Variants in SLC6A4 observed in about 807,000 individuals in gnomAD.
SLC6A4 encodes solute carrier family 6 member 4.
SLC6A4 carries 22 observed loss-of-function variants against 73.4 expected under a neutral mutation model. That is an observed-to-expected ratio of 0.30 (90% CI 0.21 to 0.43). SLC6A4 has a LOEUF of 0.43. Among genes scored for constraint, SLC6A4 ranks in the 20% least tolerant of loss-of-function variants. SLC6A4 has a pLI of 1.00. For missense variants in SLC6A4, 593 were observed against 808.5 expected (o/e 0.73, Z 3.23); for synonymous variants, 270 against 315.5 (o/e 0.86, Z 1.53).
At chr17:30,215,891 C>CTATG (rs1906557015) in intron 7 of SLC6A4, among the ~76,000 whole-genome samples, 177 bp from the exon 8 acceptor site, 1 of 152,082 alleles carries the variant, frequency 6.6e-6, no homozygotes, top group Non-Finnish European at 1.5e-5. Context: ...ATTTCTCTTC[C>CTATG]TATGATTCAG....
At chr17:30,228,487 G>T (rs534182185) in intron 1 of SLC6A4, among the ~76,000 whole-genome samples, 2 of 152,142 alleles carry the variant, frequency 1.3e-5, no homozygotes, top group Non-Finnish European at 2.9e-5. Flanking sequence ...CTCCCAGCAC[G>T]GGCCTCACTG....
Position 30,212,741 on chromosome 17 carries a change from T to C in SLC6A4, c.1203A>G (p.Ala401=). 1.2e-6 allele frequency: 2 copies of C among 1,614,120 alleles called. No homozygotes were observed. Among genetic ancestry groups the C allele is most frequent in the South Asian group, 2.2e-5 (2 of 91,080 alleles). The stretch of plus-strand genomic sequence containing the variant: ...CCTGCATAGAACCCGAGGTCCTACC[T>C]GCGTCTTTGGCCACCTCAGACACAT... The part of the protein sequence containing the change: ...NEDVSEVAKD[A]GPSLLFITYA... The change falls in exon 9 of 15, where the codon GCA becomes GCG. Residue 401 remains alanine (A), a splice_region_variant and synonymous_variant. Transcript: ENST00000650711.
rs184060665 is a variant in SLC6A4 at position 30,198,860 on chromosome 17, T to C, written c.1819-330A>G. ...GGACTTGGGAAAGGGTACCCTTTTC[T>C]CTGGACAGAGGAGACTTCTGCGGCC... On this transcript the variant is annotated intron_variant, in intron 14 of 14. Coordinates refer to ENST00000650711, the MANE Select transcript of SLC6A4 (RefSeq NM_001045.6). Among the ~76,000 whole-genome samples the C allele has an allele frequency of 1.0e-3, 152 of 152,282 alleles. 1 individual carries two copies. The highest frequency in any genetic ancestry group is 3.5e-3 in the African/African-American group (147 of 41,554).
At position 30,222,092 on chromosome 17, in the gene SLC6A4, GAC is replaced by G. The variant is rs984526021; in HGVS notation, c.-123-13_-123-12del. ...ACGTCGGGATTGACTCTGTTGGAAA[GAC>G]ACACAGAGGAAGGAGAAAAAAGTTA... On this transcript the variant is annotated splice_polypyrimidine_tract_variant and intron_variant, in intron 2 of 14. Coordinates refer to ENST00000650711, the MANE Select transcript of SLC6A4 (RefSeq NM_001045.6). 6.5e-7 allele frequency: 1 copy of G among 1,537,940 alleles called. No individual in the cohort carries two copies. The highest frequency in any genetic ancestry group is 2.0e-5 in the Admixed American group (1 of 50,826).
intron 8 of SLC6A4, among the ~76,000 whole-genome samples, chr17:30,214,437 A>AG (rs1555588546): frequency 1.3e-5 from 2 of 148,966 alleles, no homozygotes; most frequent in African/African-American, 2.5e-5. Flanking sequence ...AAAAAAAAAA[A>AG]AAAAGAAAAG....
intron 11 of SLC6A4, among the ~76,000 whole-genome samples, chr17:30,209,903 G>C (rs776323630): frequency 2.6e-5 from 4 of 152,076 alleles, no homozygotes; most frequent in Non-Finnish European, 4.4e-5. Flanking sequence ...AATCCAGAAG[G>C]GCCCAGGATA....
chr17:30,219,055 T>C (rs1597641590), intron 3 of SLC6A4, 124 bp from the exon 4 acceptor site: 1 of 1,129,222 alleles, frequency 8.9e-7, no homozygotes, highest in East Asian at 2.4e-5. Context: ...CTGGGCTGAG[T>C]GGCCTCATGC....
At chr17:30,226,872 CA>C (rs9303630) in intron 1 of SLC6A4, among the ~76,000 whole-genome samples, 11 of 112,288 alleles carry the variant, frequency 9.8e-5, no homozygotes, top group East Asian at 6.4e-4. Context: ...GACTCTGTCT[CA>C]AAAAAAAAAG....
chr17:30,203,905 G>A (rs1906112633), intron 13 of SLC6A4, among the ~76,000 whole-genome samples: 1 of 152,230 alleles, frequency 6.6e-6, no homozygotes, highest in African/African-American at 2.4e-5. Context: ...CTGGGGGTGT[G>A]TCCTTCTCCC....
chr17:30,208,817 G>A (rs1567816930), intron 12 of SLC6A4, among the ~76,000 whole-genome samples: 1 of 151,872 alleles, frequency 6.6e-6, no homozygotes, highest in Non-Finnish European at 1.5e-5. Flanking sequence ...TCAGCCTCCT[G>A]AGTAGCTGAG....
Position 30,222,064 on chromosome 17 carries a change from G to T in SLC6A4, c.-106C>A. Reference sequence around the variant, plus strand: ...CTCCGAGCTCTCTATCGTCGGGATTGACACGTCGGGATTGACTCTGTTGGA... The same window carrying T: ...CTCCGAGCTCTCTATCGTCGGGATTTACACGTCGGGATTGACTCTGTTGGA... On this transcript the variant is annotated 5_prime_UTR_variant, in exon 3 of 15. Coordinates refer to ENST00000650711, the MANE Select transcript of SLC6A4 (RefSeq NM_001045.6). 1 of 1,575,554 alleles carries T rather than the reference G, an allele frequency of 6.3e-7. No homozygotes were observed. The highest frequency in any genetic ancestry group is 8.6e-7 in the Non-Finnish European group (1 of 1,160,676).
intron 8 of SLC6A4, among the ~76,000 whole-genome samples, chr17:30,214,165 G>A (rs1308748345): frequency 6.6e-6 from 1 of 152,118 alleles, no homozygotes; most frequent in Non-Finnish European, 1.5e-5. Context: ...GCTCACGCCT[G>A]TAATCCCAGC....
chr17:30,226,301 G>A (rs1433688287), intron 1 of SLC6A4, among the ~76,000 whole-genome samples: 1 of 152,192 alleles, frequency 6.6e-6, no homozygotes, highest in Admixed American at 6.5e-5. Flanking sequence ...ATTATGGAAC[G>A]CTGGTGCCGC....
intron 5 of SLC6A4, 53 bp from the exon 6 acceptor site, chr17:30,217,357 GCACA>G: frequency 6.4e-7 from 1 of 1,572,066 alleles, no homozygotes; most frequent in South Asian, 1.2e-5. Flanking sequence ...AGTGACCTGG[GCACA>G]CATCTGTGCT....
chr17:30,213,325 C>T, intron 8 of SLC6A4, among the ~76,000 whole-genome samples: 1 of 132,246 alleles, frequency 7.6e-6, no homozygotes, highest in South Asian at 2.4e-4. Context: ...TTTTTTGAGA[C>T]AGAGCCTTGC....
At chr17:30,199,623 A>G (rs1905968652) in intron 14 of SLC6A4, among the ~76,000 whole-genome samples, 1 of 152,186 alleles carries the variant, frequency 6.6e-6, no homozygotes, top group Non-Finnish European at 1.5e-5. Flanking sequence ...TATAGGGCAA[A>G]ATGCACAAAA....
intron 14 of SLC6A4, among the ~76,000 whole-genome samples, chr17:30,199,278 C>T (rs931550931): frequency 4.1e-5 from 6 of 147,884 alleles, no homozygotes; most frequent in African/African-American, 1.5e-4. Context: ...TAAAACTCAG[C>T]ATCAGAGTGG....
intron 1 of SLC6A4, 59 bp from the exon 2 acceptor site, chr17:30,222,974 G>A (rs958331696): frequency 9.4e-6 from 5 of 532,734 alleles, no homozygotes; most frequent in African/African-American, 7.8e-5. Context: ...CCGTCCCCCT[G>A]TGCCTCCACT....
At chr17:30,212,332 G>T (rs367635080) in intron 9 of SLC6A4, among the ~76,000 whole-genome samples, 38 of 152,344 alleles carry the variant, frequency 2.5e-4, no homozygotes, top group African/African-American at 7.9e-4. Context: ...CCCTGTCCCT[G>T]CATGGCCTGA....
Sources: allele counts gnomAD v4.1 joint callset (sites outside exome capture counted in the v4.1 genomes callset), GRCh38; gene constraint gnomAD v4.1.1; transcripts MANE v1.5; gene names NCBI Gene and HGNC (gene_info 2026-07-23, HGNC 2026-07-21).